NEMP2: variants seen among roughly 807,000 people sequenced by gnomAD.
NEMP2 encodes the protein UPF0571 transmembrane protein.
Under a neutral mutation model 54.2 loss-of-function variants are expected in NEMP2, and 53 were observed. The ratio of observed to expected loss-of-function variants is 0.98; its 90% CI spans 0.78 to 1.23. The LOEUF is 1.23. Among genes scored for constraint, NEMP2 ranks in the 50% most tolerant of loss-of-function variants. The pLI is 0.00. For synonymous variants in NEMP2, 197 were observed against 190.3 expected, an observed-to-expected ratio of 1.04 and a Z score of -0.29; for missense variants, 455 against 511.3, an observed-to-expected ratio of 0.89 and a Z score of 1.06.
At chr2:190,632,614 G>T in the NEMP2 span, among the ~76,000 whole-genome samples, 1 of 152,192 alleles carries the variant, frequency 6.6e-6, no homozygotes, top group Non-Finnish European at 1.5e-5. The surrounding 1 kb of genome is among the most constrained non-coding windows in gnomAD (Gnocchi z 4.8). Context: ...CTTTCCAGAT[G>T]GTCAGGGCTC....
At chr2:190,452,659 T>C in the NEMP2 span, among the ~76,000 whole-genome samples, 1 of 152,222 alleles carries the variant, frequency 6.6e-6, no homozygotes, top group Non-Finnish European at 1.5e-5. Context: ...TCTTCCTCAT[T>C]TCTGCTTTGA....
At chr2:190,595,176 G>C in the NEMP2 span, among the ~76,000 whole-genome samples, 7 of 152,194 alleles carry the variant, frequency 4.6e-5, no homozygotes, top group African/African-American at 1.7e-4. The surrounding 1 kb of genome is among the most constrained non-coding windows in gnomAD (Gnocchi z 4.0). Context: ...TTTAATAAAT[G>C]GTGTTGGGAA....
Position 190,525,854 on chromosome 2 carries a change from G to A in NEMP2, c.98-476C>T, listed in dbSNP as rs1028109002. ...TATTGGTAAGGGAGCATGGATGGAA[G>A]GTATAGGGATACAAGAAGACATTTG... is the stretch of plus-strand genomic sequence containing the variant. On this transcript the variant is annotated intron_variant, in intron 1 of 8. Coordinates refer to ENST00000409150, the MANE Select transcript of NEMP2 (RefSeq NM_001142645.2). This position sits in a 1 kb window ranked among gnomAD's most constrained non-coding sequence, Gnocchi z 5.0. Among the ~76,000 whole-genome samples, 3 of 152,084 alleles carry A rather than the reference G, an allele frequency of 2.0e-5. No individual in the cohort carries two copies. The highest frequency in any genetic ancestry group is 7.2e-5 in the African/African-American group (3 of 41,390).
chr2:190,598,101 A>G, the NEMP2 span, among the ~76,000 whole-genome samples: 1 of 152,170 alleles, frequency 6.6e-6, no homozygotes, highest in Non-Finnish European at 1.5e-5. Context: ...TCCACCAACT[A>G]GATGCCGGTA....
At chr2:190,566,871 A>C in the NEMP2 span, among the ~76,000 whole-genome samples, 3 of 152,274 alleles carry the variant, frequency 2.0e-5, no homozygotes, top group East Asian at 5.8e-4. Context: ...TACAAAAGTG[A>C]AACCCATCAC....
At chr2:190,422,415 T>A in the NEMP2 span, among the ~76,000 whole-genome samples, 1 of 152,286 alleles carries the variant, frequency 6.6e-6, no homozygotes, top group East Asian at 1.9e-4. Context: ...TTTCGCTTGA[T>A]TTATCCTTTT....
At chr2:190,541,240 T>C in the NEMP2 span, among the ~76,000 whole-genome samples, 7 of 152,000 alleles carry the variant, frequency 4.6e-5, no homozygotes, top group Admixed American at 1.3e-4. The surrounding 1 kb of genome is among the most constrained non-coding windows in gnomAD (Gnocchi z 5.2). Flanking sequence ...TTACTACTTC[T>C]GTTCTTCTAC....
At chr2:190,552,005 A>G in the NEMP2 span, among the ~76,000 whole-genome samples, 3 of 152,280 alleles carry the variant, frequency 2.0e-5, no homozygotes, top group Non-Finnish European at 4.4e-5. Context: ...GGAATCCTGG[A>G]AGGGAGCCCG....
the NEMP2 span, among the ~76,000 whole-genome samples, chr2:190,563,500 G>A: frequency 6.6e-6 from 1 of 152,056 alleles, no homozygotes; most frequent in South Asian, 2.1e-4. The surrounding 1 kb of genome is among the most constrained non-coding windows in gnomAD (Gnocchi z 4.3). Flanking sequence ...ATCCACAAAT[G>A]AGTAGTTGAT....
chr2:190,607,860 T>G, the NEMP2 span: 1 of 152,204 alleles, frequency 6.6e-6, no homozygotes, highest in Non-Finnish European at 1.5e-5. This position sits in a 1 kb window ranked among gnomAD's most constrained non-coding sequence, Gnocchi z 5.2. Context: ...CTGTATTTTA[T>G]AGATGTGAAC....
chr2:190,554,248 C>T, the NEMP2 span, among the ~76,000 whole-genome samples: 2 of 152,152 alleles, frequency 1.3e-5, no homozygotes. The surrounding 1 kb of genome is among the most constrained non-coding windows in gnomAD (Gnocchi z 5.7). Context: ...AGATACCGAG[C>T]TAGCCGCAGG....
At chr2:190,596,517 G>T in the NEMP2 span, among the ~76,000 whole-genome samples, 1 of 152,224 alleles carries the variant, frequency 6.6e-6, no homozygotes, top group Non-Finnish European at 1.5e-5. The surrounding 1 kb of genome is among the most constrained non-coding windows in gnomAD (Gnocchi z 5.1). Flanking sequence ...CCCCATGTCA[G>T]GGGCCCTCTG....
the NEMP2 span, chr2:190,648,179 G>C: frequency 2.0e-5 from 3 of 152,252 alleles, no homozygotes; most frequent in Admixed American, 2.0e-4. Flanking sequence ...TAAAATAAAA[G>C]GCAGATTTTC....
At chr2:190,490,209 C>T in the NEMP2 span, among the ~76,000 whole-genome samples, 1 of 151,414 alleles carries the variant, frequency 6.6e-6, no homozygotes, top group Non-Finnish European at 1.5e-5. This position sits in a 1 kb window ranked among gnomAD's most constrained non-coding sequence, Gnocchi z 4.5. Flanking sequence ...AGTCATTTTG[C>T]TACTAGGGAT....
the NEMP2 span, among the ~76,000 whole-genome samples, chr2:190,604,929 A>C: frequency 6.6e-6 from 1 of 152,286 alleles, no homozygotes; most frequent in East Asian, 1.9e-4. The surrounding 1 kb of genome is among the most constrained non-coding windows in gnomAD (Gnocchi z 4.5). Context: ...AATTCAGTTA[A>C]GTCACCTAGT....
At chr2:190,641,118 T>C in the NEMP2 span, 1 of 24,734 alleles carries the variant, frequency 4.0e-5, no homozygotes, top group East Asian at 1.7e-3. Context: ...CCTCTGCCTT[T>C]TCTTTCCATT....
the NEMP2 span, among the ~76,000 whole-genome samples, chr2:190,614,964 A>G: frequency 6.6e-6 from 1 of 152,238 alleles, no homozygotes; most frequent in Non-Finnish European, 1.5e-5. The surrounding 1 kb of genome is among the most constrained non-coding windows in gnomAD (Gnocchi z 5.7). Flanking sequence ...AACATCATCC[A>G]TTACAGTTCC....
At chr2:190,541,535 G>T in the NEMP2 span, among the ~76,000 whole-genome samples, 1 of 152,094 alleles carries the variant, frequency 6.6e-6, no homozygotes, top group Non-Finnish European at 1.5e-5. The surrounding 1 kb of genome is among the most constrained non-coding windows in gnomAD (Gnocchi z 5.2). Flanking sequence ...GAAGCAAGTT[G>T]TTTAATTTTA....
At chr2:190,554,556 G>A in the NEMP2 span, among the ~76,000 whole-genome samples, 15 of 152,202 alleles carry the variant, frequency 9.9e-5, 1 homozygote, top group Admixed American at 2.6e-4. This position sits in a 1 kb window ranked among gnomAD's most constrained non-coding sequence, Gnocchi z 5.7. Context: ...CAAACTGGGC[G>A]GAGCCCACTG....
Sources: gnomAD v4.1 joint callset for allele counts (sites outside exome capture counted in the v4.1 genomes callset) on GRCh38, gnomAD v4.1.1 for gene constraint, Gnocchi (gnomAD v3.1) non-coding constraint, MANE v1.5 for transcripts, NCBI Gene and HGNC (gene_info 2026-07-23, HGNC 2026-07-21) for gene names.